PHF21B: variants seen among roughly 807,000 people sequenced by gnomAD.
PHF21B encodes the protein PHD finger protein 21B.
A neutral mutation model predicts 62.2 loss-of-function variants in PHF21B; 22 were observed. That is an observed-to-expected ratio of 0.35 (90% confidence interval 0.25 to 0.51). The LOEUF is 0.51. Ranked by LOEUF, PHF21B falls within the 20% of genes least tolerant of loss-of-function variation. The pLI is 0.97. For missense variants in PHF21B, 701 were observed against 707.9 expected (o/e 0.99, Z 0.11); for synonymous variants, 341 against 314.7 (o/e 1.08, Z -0.88).
intron 2 of PHF21B, among the ~76,000 whole-genome samples, chr22:44,992,230 G>C (rs1342578611): frequency 6.6e-6 from 1 of 152,248 alleles, no homozygotes; most frequent in Non-Finnish European, 1.5e-5. Flanking sequence ...GAGGACCCTT[G>C]GAGTGTTTGA....
intron 2 of PHF21B, among the ~76,000 whole-genome samples, chr22:44,972,468 G>A (rs1212783618): frequency 2.6e-5 from 4 of 152,148 alleles, no homozygotes; most frequent in Non-Finnish European, 5.9e-5. Context: ...GCCGAAAACC[G>A]AGTGTTGGCA....
chr22:44,897,508 C>T lies in PHF21B; in HGVS notation c.832-1425G>A, dbSNP rs532304341. Among the ~76,000 whole-genome samples the T allele has an allele frequency of 1.2e-3, 176 of 152,248 alleles. 1 individual carries two copies. Among genetic ancestry groups the T allele is most frequent in the African/African-American group, 4.1e-3 (171 of 41,534 alleles). The stretch of plus-strand genomic sequence containing the variant: ...CCTGCCAGGAGTCCTGCAGCCACCA[C>T]GCTGTAGGAAGAACAACTCCTGGAG... On this transcript the variant is annotated intron_variant, in intron 5 of 12. Transcript: ENST00000313237.
chr22:44,963,836 C>A (rs9626597), intron 2 of PHF21B, among the ~76,000 whole-genome samples: 73,338 of 152,214 alleles, frequency 0.48, 20,093 homozygotes, highest in Non-Finnish European at 0.64. Flanking sequence ...ATGTGGGGGA[C>A]CCCAAGGGCC....
intron 2 of PHF21B, among the ~76,000 whole-genome samples, chr22:44,954,403 C>T (rs890808759): frequency 6.6e-6 from 1 of 152,186 alleles, no homozygotes; most frequent in African/African-American, 2.4e-5. Flanking sequence ...TCTCTCCCTA[C>T]CTGGTGCCCA....
intron 2 of PHF21B, among the ~76,000 whole-genome samples, chr22:44,943,623 T>A (rs372230178): frequency 6.9e-4 from 105 of 152,214 alleles, no homozygotes; most frequent in African/African-American, 2.5e-3. Context: ...TTGACTGCTG[T>A]GCCCCACTCC....
chr22:44,976,423 CACCT>C (rs1324109906), intron 2 of PHF21B, among the ~76,000 whole-genome samples: 11 of 152,232 alleles, frequency 7.2e-5, no homozygotes, highest in Non-Finnish European at 1.5e-4. Context: ...CTATTCCTCC[CACCT>C]AACTGTAACT....
chr22:44,893,317 C>A (rs2070999178), intron 7 of PHF21B, 140 bp downstream of exon 7: 1 of 696,264 alleles, frequency 1.4e-6, no homozygotes, highest in Non-Finnish European at 2.4e-6. Context: ...TTTACGGTCA[C>A]CCCCCAGCCC....
chr22:44,899,207 T>C lies in PHF21B; in HGVS notation c.832-3124A>G, dbSNP rs1052502268. On this transcript the variant is annotated intron_variant, in intron 5 of 12. Coordinates refer to ENST00000313237, the MANE Select transcript of PHF21B (RefSeq NM_138415.5). Reference sequence around the variant, plus strand: ...TTTGCTGGAATGTTAAAATTATAAATTAACTTTGGGCATAATGACAGTTTT... The same window carrying C: ...TTTGCTGGAATGTTAAAATTATAAACTAACTTTGGGCATAATGACAGTTTT... Among the ~76,000 whole-genome samples the C allele has an allele frequency of 3.4e-4, 52 of 152,128 alleles. 1 individual carries two copies. The highest frequency in any genetic ancestry group is 1.0e-4 in the Non-Finnish European group (7 of 68,026).
intron 1 of PHF21B, chr22:45,008,852 G>T (rs1255658914): frequency 1.7e-6 from 2 of 1,173,250 alleles, no homozygotes; most frequent in South Asian, 4.2e-5. Context: ...GAGGCCACCC[G>T]GCGGCGCGCC....
chr22:44,960,124 G>A (rs1271117176), intron 2 of PHF21B, among the ~76,000 whole-genome samples: 1 of 152,166 alleles, frequency 6.6e-6, no homozygotes, highest in Non-Finnish European at 1.5e-5. Context: ...CCCAGTAGAT[G>A]CTAAGTAAAC....
intron 2 of PHF21B, among the ~76,000 whole-genome samples, chr22:44,986,241 A>T (rs1478955775): frequency 1.3e-5 from 2 of 151,726 alleles, no homozygotes; most frequent in Non-Finnish European, 1.5e-5. Flanking sequence ...CATCATTATG[A>T]CAACCATCAT....
intron 2 of PHF21B, among the ~76,000 whole-genome samples, chr22:44,942,091 G>C (rs2147366362): frequency 6.6e-6 from 1 of 152,332 alleles, no homozygotes; most frequent in Admixed American, 6.5e-5. Flanking sequence ...CAGCAAGTCT[G>C]GGGCCAGAAG....
chr22:44,992,896 C>T (rs150999886), intron 2 of PHF21B, among the ~76,000 whole-genome samples: 5 of 152,314 alleles, frequency 3.3e-5, no homozygotes, highest in East Asian at 1.9e-4. Context: ...CTTGCAACCC[C>T]GCTATAAAGC....
chr22:45,004,109 G>A (rs765321553), intron 2 of PHF21B, among the ~76,000 whole-genome samples: 3 of 152,126 alleles, frequency 2.0e-5, no homozygotes, highest in Non-Finnish European at 2.9e-5. Context: ...GGAAGTGACA[G>A]CCAAGGGGTT....
chr22:44,967,989 C>T (rs2147439595), intron 2 of PHF21B, among the ~76,000 whole-genome samples: 1 of 152,246 alleles, frequency 6.6e-6, no homozygotes, highest in African/African-American at 2.4e-5. Context: ...GGTACCATTT[C>T]CATCACGTAT....
intron 6 of PHF21B, among the ~76,000 whole-genome samples, chr22:44,894,508 G>A (rs2071022946): frequency 6.6e-6 from 1 of 152,184 alleles, no homozygotes; most frequent in Non-Finnish European, 1.5e-5. Context: ...TGGCACCGTG[G>A]TTTCGGTCAG....
Position 44,882,824 on chromosome 22 carries a change from C to CT in PHF21B, c.*261_*262insA. 1 of 436,670 alleles carries CT rather than the reference C, an allele frequency of 2.3e-6. No individual in the cohort carries two copies. The highest frequency in any genetic ancestry group is 2.0e-5 in the African/African-American group (1 of 49,362). 27.0% of individuals were successfully genotyped at this position (436,670 alleles called of 1,614,324 possible). The stretch of plus-strand genomic sequence containing the variant: ...AGAGGCCCAGGCAGCCCCGAGGTGG[C>CT]CGGGGGGAGACTGTGTGCCCCAGCC... On this transcript the variant is annotated 3_prime_UTR_variant, in exon 13 of 13. Coordinates refer to ENST00000313237, the MANE Select transcript of PHF21B (RefSeq NM_138415.5).
chr22:45,004,689 G>A (rs1356139222), intron 2 of PHF21B, among the ~76,000 whole-genome samples: 1 of 152,220 alleles, frequency 6.6e-6, no homozygotes, highest in African/African-American at 2.4e-5. Flanking sequence ...GGGTGGGGCT[G>A]TGGATAACCC....
Position 44,883,173 on chromosome 22 carries a change from G to A in PHF21B, c.1509C>T (p.Ser503=), listed in dbSNP as rs1363396750. 1 of 1,613,322 alleles carries A rather than the reference G, an allele frequency of 6.2e-7. No homozygotes were observed. Among genetic ancestry groups the A allele is most frequent in the Admixed American group, 1.7e-5 (1 of 60,010 alleles). ...AGGGCCCGGCCAGCAGTGGGGCAGG[G>A]CTAGTGGTCGTCATGGTGACCTGGA... is the stretch of plus-strand genomic sequence containing the variant. ...QLLQVTMTTT[S]PAPLLAGPWT... The change falls in exon 13 of 13, where the codon AGC becomes AGT. Residue 503 remains serine (S), a synonymous_variant. Coordinates refer to ENST00000313237, the MANE Select transcript of PHF21B (RefSeq NM_138415.5).
Sources: allele counts gnomAD v4.1 joint callset (sites outside exome capture counted in the v4.1 genomes callset), GRCh38; gene constraint gnomAD v4.1.1; transcripts MANE v1.5; gene names NCBI Gene and HGNC (gene_info 2026-07-23, HGNC 2026-07-21).